ERBB4: variants seen among roughly 807,000 people sequenced by gnomAD.
ERBB4 encodes the protein receptor tyrosine-protein kinase erbB-4.
In ERBB4, 42 loss-of-function variants were observed where a neutral mutation model predicts 158.0. The observed-to-expected ratio is 0.27, with a 90% CI of 0.21 to 0.34. The LOEUF (loss-of-function observed/expected upper bound fraction) is 0.34, where lower values mean the gene tolerates loss of function less well. Among genes scored for constraint, ERBB4 ranks in the 10% least tolerant of loss-of-function variants. ERBB4 has a pLI of 1.00. For synonymous variants in ERBB4, 583 were observed against 558.7 expected, an observed-to-expected ratio of 1.04 and a Z score of -0.61; for missense variants, 1,333 against 1,624.1, an observed-to-expected ratio of 0.82 and a Z score of 3.08.
At chr2:211,902,376 T>C (rs915730391) in intron 3 of ERBB4, among the ~76,000 whole-genome samples, 3 of 152,050 alleles carry the variant, frequency 2.0e-5, no homozygotes, top group Non-Finnish European at 2.9e-5. Context: ...ATTATAGATA[T>C]TAACATCTGT....
chr2:212,469,779 T>C (rs570276624), intron 1 of ERBB4, among the ~76,000 whole-genome samples: 12 of 152,280 alleles, frequency 7.9e-5, no homozygotes, highest in Non-Finnish European at 1.5e-4. Context: ...AGTGTGATCA[T>C]GCATACTTAA....
intron 1 of ERBB4, among the ~76,000 whole-genome samples, chr2:212,132,330 T>G (rs2080130239): frequency 6.6e-6 from 1 of 152,192 alleles, no homozygotes; most frequent in African/African-American, 2.4e-5. Flanking sequence ...TGATGGTTAA[T>G]TTTATATGTC....
intron 1 of ERBB4, among the ~76,000 whole-genome samples, chr2:212,140,102 G>T (rs905954514): frequency 6.6e-6 from 1 of 151,556 alleles, no homozygotes; most frequent in African/African-American, 2.4e-5. Context: ...ATAGAATCTG[G>T]TTATAAAATG....
intron 3 of ERBB4, among the ~76,000 whole-genome samples, chr2:211,924,250 A>C (rs1377416361): frequency 1.3e-5 from 2 of 152,204 alleles, no homozygotes; most frequent in African/African-American, 4.8e-5. Context: ...GCAACCTAGT[A>C]GTTTTCCAGG....
At chr2:211,601,339 C>A (rs188601138) in intron 19 of ERBB4, among the ~76,000 whole-genome samples, 288 of 151,518 alleles carry the variant, frequency 1.9e-3, no homozygotes, top group South Asian at 3.5e-3. Flanking sequence ...GTAAGAATTC[C>A]AGAAAAAGGA....
rs190037534 is a variant in ERBB4, at chr2:212,305,825, G to C, written c.83-180922C>G. Among the ~76,000 whole-genome samples, 5 of 151,432 alleles carry C rather than the reference G, an allele frequency of 3.3e-5. No individual in the cohort carries two copies. The East Asian group carries it at 9.8e-4, about 30-fold the overall frequency. On this transcript the variant is annotated intron_variant, in intron 1 of 27. Transcript: ENST00000342788. Reference sequence around the variant, plus strand: ...CATGTCCCTGTACATTAAAAGAAATGTATCTGTTAAGTACACAAACTTAAT... The same window carrying C: ...CATGTCCCTGTACATTAAAAGAAATCTATCTGTTAAGTACACAAACTTAAT...
chr2:211,554,466 C>T (rs1424660764), intron 20 of ERBB4, among the ~76,000 whole-genome samples: 1 of 152,222 alleles, frequency 6.6e-6, no homozygotes, highest in African/African-American at 2.4e-5. Flanking sequence ...CACATTCCCA[C>T]CCACACAGCA....
chr2:212,236,412 G>C (rs6727639), intron 1 of ERBB4, among the ~76,000 whole-genome samples: 1 of 152,084 alleles, frequency 6.6e-6, no homozygotes, highest in Admixed American at 6.5e-5. Context: ...ATCTGGGATA[G>C]TGGCCTGAAA....
chr2:211,824,819 T>C (rs1008180618), intron 3 of ERBB4, among the ~76,000 whole-genome samples: 2 of 152,000 alleles, frequency 1.3e-5, no homozygotes, highest in Non-Finnish European at 2.9e-5. Flanking sequence ...GAAAAAAATA[T>C]GTTTGTTTTT....
At chr2:212,112,372 T>C (rs1374355528) in intron 2 of ERBB4, among the ~76,000 whole-genome samples, 1 of 152,172 alleles carries the variant, frequency 6.6e-6, no homozygotes, top group Non-Finnish European at 1.5e-5. Flanking sequence ...CTTAGCTCTG[T>C]CTGCTCAGGG....
intron 20 of ERBB4, among the ~76,000 whole-genome samples, chr2:211,555,825 A>C (rs1027856516): frequency 7.2e-5 from 11 of 152,222 alleles, no homozygotes; most frequent in African/African-American, 2.7e-4. Context: ...TGAAGGAGGC[A>C]CTAAATGTGG....
At chr2:211,566,761 A>C (rs2067561069) in intron 19 of ERBB4, among the ~76,000 whole-genome samples, 1 of 152,182 alleles carries the variant, frequency 6.6e-6, no homozygotes, top group Admixed American at 6.5e-5. Flanking sequence ...TTATATATTT[A>C]ATTGTGTATT....
chr2:211,678,299 AC>A (rs1309102983), intron 13 of ERBB4, among the ~76,000 whole-genome samples: 19 of 3,596 alleles, frequency 5.3e-3, no homozygotes, highest in East Asian at 0.035. Context: ...AAACAAACAA[AC>A]AAAAAAAAAC....
chr2:211,684,201 C>T (rs925548159), intron 12 of ERBB4, among the ~76,000 whole-genome samples: 1 of 152,050 alleles, frequency 6.6e-6, no homozygotes, highest in Non-Finnish European at 1.5e-5. Flanking sequence ...CCTATAATCC[C>T]AGCATTTTGA....
chr2:212,151,741 C>T (rs898554261), intron 1 of ERBB4, among the ~76,000 whole-genome samples: 3 of 151,796 alleles, frequency 2.0e-5, no homozygotes, highest in Non-Finnish European at 2.9e-5. Context: ...ATACAAAAAC[C>T]AGCTGGGCAT....
intron 3 of ERBB4, among the ~76,000 whole-genome samples, chr2:211,805,444 A>G (rs766506663): frequency 2.0e-5 from 3 of 152,232 alleles, no homozygotes; most frequent in Admixed American, 6.5e-5. Flanking sequence ...AGAAAACACA[A>G]GAGTATGAGC....
At chr2:212,234,592 C>T (rs941072912) in intron 1 of ERBB4, among the ~76,000 whole-genome samples, 15 of 152,122 alleles carry the variant, frequency 9.9e-5, no homozygotes, top group African/African-American at 3.6e-4. Context: ...AATTACACTC[C>T]CACCAACAGC....
At chr2:211,698,087 C>T (rs542549908) in intron 12 of ERBB4, among the ~76,000 whole-genome samples, 15 of 152,096 alleles carry the variant, frequency 9.9e-5, no homozygotes, top group East Asian at 9.7e-4. Flanking sequence ...GAGGCCGAGG[C>T]GGGCGGATCA....
At chr2:211,498,117 G>C (rs2065520096) in intron 20 of ERBB4, among the ~76,000 whole-genome samples, 1 of 152,070 alleles carries the variant, frequency 6.6e-6, no homozygotes, top group Non-Finnish European at 1.5e-5. Flanking sequence ...CCCTTAGTGA[G>C]AGACTTCTGT....
Sources: allele counts gnomAD v4.1 joint callset (sites outside exome capture counted in the v4.1 genomes callset), GRCh38; gene constraint gnomAD v4.1.1; transcripts MANE v1.5; gene names NCBI Gene and HGNC (gene_info 2026-07-23, HGNC 2026-07-21).